The following STX8 variants were observed in gnomAD, a reference collection of about 807,000 sequenced individuals.
The protein encoded by STX8 is syntaxin-8.
A neutral mutation model predicts 37.5 loss-of-function variants in STX8; 23 were observed. That is an observed-to-expected ratio of 0.61 (90% CI 0.44 to 0.87). STX8 has a LOEUF of 0.87. STX8 is among the 40% of genes least tolerant of loss of function. The pLI is 0.00. For missense variants in STX8, 313 were observed against 284.7 expected, an observed-to-expected ratio of 1.10 and a Z score of -0.71; for synonymous variants, 115 against 99.1, an observed-to-expected ratio of 1.16 and a Z score of -0.95.
intron 6 of STX8, among the ~76,000 whole-genome samples, chr17:9,384,472 AC>A (rs1911921109): frequency 6.6e-6 from 1 of 152,224 alleles, no homozygotes; most frequent in East Asian, 1.9e-4. Flanking sequence ...CCCCGTCTCT[AC>A]TAAAAATACA....
intron 6 of STX8, among the ~76,000 whole-genome samples, chr17:9,436,166 G>A (rs1174925512): frequency 2.0e-5 from 3 of 149,816 alleles, no homozygotes; most frequent in Non-Finnish European, 3.0e-5. Context: ...GTGAAACCCC[G>A]TCTCTACTAA....
At chr17:9,449,440 G>C (rs1031021929) in intron 6 of STX8, among the ~76,000 whole-genome samples, 15 of 152,294 alleles carry the variant, frequency 9.8e-5, no homozygotes, top group African/African-American at 2.6e-4. Context: ...GGCGCCTGTA[G>C]TCCCAGCTAC....
intron 7 of STX8, among the ~76,000 whole-genome samples, chr17:9,306,553 C>G (rs946621234): frequency 1.8e-4 from 26 of 145,948 alleles, no homozygotes; most frequent in African/African-American, 6.4e-4. Flanking sequence ...AGTTCAAGAC[C>G]AGCCTGGCCA....
intron 6 of STX8, among the ~76,000 whole-genome samples, chr17:9,448,357 T>C (rs1281759238): frequency 6.6e-6 from 1 of 152,186 alleles, no homozygotes; most frequent in Non-Finnish European, 1.5e-5. Context: ...TAACTGAGGC[T>C]GAGCAAGGCA....
intron 7 of STX8, among the ~76,000 whole-genome samples, chr17:9,300,353 GA>G (rs1567774541): frequency 1.8e-5 from 2 of 112,652 alleles, no homozygotes; most frequent in African/African-American, 5.9e-5. Flanking sequence ...AAAAAAGAAA[GA>G]AAGAAAGAAA....
intron 7 of STX8, among the ~76,000 whole-genome samples, chr17:9,286,644 A>C (rs1233201167): frequency 6.6e-6 from 1 of 151,918 alleles, no homozygotes; most frequent in Non-Finnish European, 1.5e-5. Context: ...CTGAGTCTTT[A>C]AATGAAATAA....
At chr17:9,441,099 G>A (rs1904632437) in intron 6 of STX8, among the ~76,000 whole-genome samples, 1 of 152,150 alleles carries the variant, frequency 6.6e-6, no homozygotes, top group South Asian at 2.1e-4. Context: ...GCGTGAAGAT[G>A]TACTCAAATA....
chr17:9,256,745 G>A (rs903249777), intron 7 of STX8, among the ~76,000 whole-genome samples: 1 of 152,220 alleles, frequency 6.6e-6, no homozygotes, highest in Non-Finnish European at 1.5e-5. Context: ...TAGGAAGGTG[G>A]CTCCAGTTTC....
intron 6 of STX8, among the ~76,000 whole-genome samples, chr17:9,489,924 G>A (rs924734080): frequency 2.0e-5 from 3 of 151,982 alleles, no homozygotes; most frequent in Admixed American, 6.5e-5. Flanking sequence ...TCCTGACCTC[G>A]TGATCCACCC....
At chr17:9,488,430 GC>G (rs1906699350) in intron 6 of STX8, among the ~76,000 whole-genome samples, 1 of 152,162 alleles carries the variant, frequency 6.6e-6, no homozygotes, top group African/African-American at 2.4e-5. Flanking sequence ...TGGCAAACGA[GC>G]CATTAAGCTT....
intron 6 of STX8, among the ~76,000 whole-genome samples, chr17:9,481,360 C>T (rs1235495277): frequency 6.6e-6 from 1 of 152,232 alleles, no homozygotes; most frequent in Non-Finnish European, 1.5e-5. Flanking sequence ...CACTTCAAAT[C>T]ATTCCATATT....
At chr17:9,278,475 A>G (rs1328178393) in intron 7 of STX8, among the ~76,000 whole-genome samples, 1 of 152,014 alleles carries the variant, frequency 6.6e-6, no homozygotes, top group Non-Finnish European at 1.5e-5. Flanking sequence ...ATAGAAACAT[A>G]CTTTAGAATG....
At chr17:9,300,830 C>CTTTTTTTTTTTT (rs1164799565) in intron 7 of STX8, among the ~76,000 whole-genome samples, 315 of 90,886 alleles carry the variant, frequency 3.5e-3, no homozygotes, top group Middle Eastern at 0.025. Context: ...TTATTTTGTT[C>CTTTTTTTTTTTT]TTTTTTTTTT....
At chr17:9,431,793 T>C (rs1251686416) in intron 6 of STX8, among the ~76,000 whole-genome samples, 1 of 152,140 alleles carries the variant, frequency 6.6e-6, no homozygotes, top group Non-Finnish European at 1.5e-5. Context: ...AGACCACGAG[T>C]GCTGTACTGT....
At chr17:9,455,333 AC>A (rs1270340591) in intron 6 of STX8, among the ~76,000 whole-genome samples, 2 of 152,074 alleles carry the variant, frequency 1.3e-5, no homozygotes, top group South Asian at 4.2e-4. Flanking sequence ...CCCCGTCTCT[AC>A]TAAAAATACA....
At chr17:9,438,411 C>G (rs916886977) in intron 6 of STX8, among the ~76,000 whole-genome samples, 4 of 151,590 alleles carry the variant, frequency 2.6e-5, no homozygotes, top group Non-Finnish European at 4.4e-5. Flanking sequence ...AGTGCTGACT[C>G]TCAGGTCCCA....
At chr17:9,564,133 C>T (rs997960467) in intron 2 of STX8, among the ~76,000 whole-genome samples, 3 of 152,142 alleles carry the variant, frequency 2.0e-5, no homozygotes, top group Admixed American at 6.6e-5. Flanking sequence ...CAGCCAACAT[C>T]ATACTGAATG....
chr17:9,442,717 T>C (rs868705589), intron 6 of STX8, among the ~76,000 whole-genome samples: 1 of 152,150 alleles, frequency 6.6e-6, no homozygotes, highest in Non-Finnish European at 1.5e-5. Flanking sequence ...CTGTATCTTC[T>C]TTATTGAAAC....
intron 7 of STX8, among the ~76,000 whole-genome samples, chr17:9,320,730 TAA>T (rs34009379): frequency 0.082 from 11,785 of 143,730 alleles, 1,481 homozygotes; most frequent in African/African-American, 0.27. Flanking sequence ...TCATCTCTAT[TAA>T]AAAAAAAAAA....
Sources: allele counts gnomAD v4.1 joint callset (sites outside exome capture counted in the v4.1 genomes callset), GRCh38; gene constraint gnomAD v4.1.1; transcripts MANE v1.5; gene names NCBI Gene and HGNC (gene_info 2026-07-23, HGNC 2026-07-21).